GSG1L: variants seen among roughly 807,000 people sequenced by gnomAD.
GSG1L encodes germ cell-specific gene 1-like protein.
Under a neutral mutation model 42.1 loss-of-function variants are expected in GSG1L, and 24 were observed. That is an observed-to-expected ratio of 0.57 (90% CI 0.41 to 0.80). GSG1L has a LOEUF of 0.80. GSG1L is among the 30% of genes least tolerant of loss of function. The probability of loss-of-function intolerance (pLI) is 0.00; values close to 1 mark genes in which losing one functional copy is unlikely to be tolerated. For missense variants in GSG1L, 445 were observed against 472.2 expected, an observed-to-expected ratio of 0.94 and a Z score of 0.53; for synonymous variants, 215 against 203.5, an observed-to-expected ratio of 1.06 and a Z score of -0.48.
At chr16:27,902,701 C>T (rs2084274904) in intron 2 of GSG1L, among the ~76,000 whole-genome samples, 1 of 152,168 alleles carries the variant, frequency 6.6e-6, no homozygotes, top group African/African-American at 2.4e-5. Context: ...TCACATCCCA[C>T]CTCCTCCGCT....
intron 6 of GSG1L, among the ~76,000 whole-genome samples, chr16:27,792,371 T>A (rs1398451421): frequency 6.6e-6 from 1 of 152,188 alleles, no homozygotes; most frequent in Non-Finnish European, 1.5e-5. Flanking sequence ...CCACACTTAG[T>A]GGACTGGACA....
At chr16:27,914,864 G>T (rs1378457788) in intron 2 of GSG1L, among the ~76,000 whole-genome samples, 6 of 152,078 alleles carry the variant, frequency 3.9e-5, no homozygotes, top group African/African-American at 1.5e-4. Flanking sequence ...CTTGCAGATT[G>T]CCCCTGGCTA....
chr16:27,839,185 A>G (rs149156364), intron 4 of GSG1L, among the ~76,000 whole-genome samples: 82 of 152,316 alleles, frequency 5.4e-4, no homozygotes, highest in African/African-American at 1.9e-3. Context: ...AGTGAGGCCT[A>G]TATTCCACAG....
chr16:28,002,830 G>C (rs1161360596), intron 1 of GSG1L, among the ~76,000 whole-genome samples: 3 of 151,980 alleles, frequency 2.0e-5, no homozygotes, highest in East Asian at 1.9e-4. Flanking sequence ...CCAGCTACTC[G>C]GGAGGCTGAG....
At chr16:28,058,683 A>G (rs2086306644) in intron 1 of GSG1L, among the ~76,000 whole-genome samples, 4 of 151,984 alleles carry the variant, frequency 2.6e-5, no homozygotes, top group Non-Finnish European at 5.9e-5. Context: ...CCATCATGCA[A>G]ATCTTTGCCC....
chr16:27,803,778 T>TAG (rs1445015013), intron 6 of GSG1L, among the ~76,000 whole-genome samples: 8 of 80,876 alleles, frequency 9.9e-5, no homozygotes, highest in African/African-American at 3.4e-4. Context: ...TATATATATA[T>TAG]ATATATATAT....
At chr16:28,028,021 T>C (rs145604450) in intron 1 of GSG1L, among the ~76,000 whole-genome samples, 37 of 152,246 alleles carry the variant, frequency 2.4e-4, no homozygotes, top group African/African-American at 8.7e-4. Context: ...CAGCATCACC[T>C]CTATTTATTT....
chr16:27,988,886 C>G (rs1460448934), intron 1 of GSG1L, among the ~76,000 whole-genome samples: 2 of 151,480 alleles, frequency 1.3e-5, no homozygotes, highest in Non-Finnish European at 2.9e-5. Context: ...AACCCCGTCT[C>G]TACTAAAAAT....
At chr16:28,013,303 T>G (rs2085745198) in intron 1 of GSG1L, among the ~76,000 whole-genome samples, 1 of 151,346 alleles carries the variant, frequency 6.6e-6, no homozygotes, top group African/African-American at 2.4e-5. Flanking sequence ...AGAGGTAACA[T>G]TTATGGAGAG....
At chr16:28,002,915 G>T (rs1326148252) in intron 1 of GSG1L, among the ~76,000 whole-genome samples, 1 of 152,098 alleles carries the variant, frequency 6.6e-6, no homozygotes, top group African/African-American at 2.4e-5. Flanking sequence ...CAGCCTGGGT[G>T]ACAGAGCGAG....
chr16:28,027,932 G>A (rs1258910567), intron 1 of GSG1L, among the ~76,000 whole-genome samples: 1 of 152,188 alleles, frequency 6.6e-6, no homozygotes, highest in Non-Finnish European at 1.5e-5. Flanking sequence ...TGAGTCTGGA[G>A]GTCAAGGCTG....
chr16:27,787,836 G>A lies in GSG1L; in HGVS notation c.*3534C>T, dbSNP rs2082710001. ...GGTGGCCAGGGCTAGATCCCTGTCA[G>A]ATCTGTCCCTGCCCAGGCCCATATA... is the stretch of plus-strand genomic sequence containing the variant. On this transcript the variant is annotated 3_prime_UTR_variant, in exon 7 of 7. Transcript: ENST00000447459. The A allele has an allele frequency of 6.6e-6, 1 of 152,216 alleles. No homozygotes were observed. The highest frequency in any genetic ancestry group is 6.5e-5 in the Admixed American group (1 of 15,280). 9.4% of individuals were successfully genotyped at this position (152,216 alleles called of 1,614,324 possible). A position where few individuals can be genotyped will look rare whatever the true frequency, so the allele number is the denominator to read the frequency against.
chr16:27,911,015 A>AAAC lies in GSG1L; in HGVS notation c.398-26380_398-26378dup, dbSNP rs530692990. Reference sequence around the variant, plus strand: ...GTGACAGAGCAAGAACCTGTCTAAAAAACAACAACAACAACAACAAAAATA... The same window carrying AAAC: ...GTGACAGAGCAAGAACCTGTCTAAAAAACAACAACAACAACAACAACAAAAATA... On this transcript the variant is annotated intron_variant, in intron 2 of 6. Transcript: ENST00000447459. 6.4e-3 allele frequency among the ~76,000 whole-genome samples: 980 copies of AAAC among 152,078 alleles called. 3 individuals carry two copies. Among genetic ancestry groups the AAAC allele is most frequent in the Middle Eastern group, 0.017 (5 of 294 alleles).
At chr16:27,962,818 G>A (rs1186647574) in intron 2 of GSG1L, among the ~76,000 whole-genome samples, 1 of 152,112 alleles carries the variant, frequency 6.6e-6, no homozygotes, top group Non-Finnish European at 1.5e-5. Context: ...CCTACAGCTG[G>A]AGGCAAACCC....
intron 1 of GSG1L, among the ~76,000 whole-genome samples, chr16:28,022,322 C>T (rs1034344620): frequency 6.6e-6 from 1 of 151,990 alleles, no homozygotes; most frequent in African/African-American, 2.4e-5. Context: ...CACTTTTCTG[C>T]ATACATGTTT....
At chr16:27,934,655 A>C (rs903507134) in intron 2 of GSG1L, among the ~76,000 whole-genome samples, 1 of 152,228 alleles carries the variant, frequency 6.6e-6, no homozygotes, top group Non-Finnish European at 1.5e-5. Flanking sequence ...GCATGGCACC[A>C]TGGGAGAGCT....
chr16:27,799,331 C>T (rs1236941918), intron 6 of GSG1L, among the ~76,000 whole-genome samples: 2 of 151,692 alleles, frequency 1.3e-5, no homozygotes, highest in African/African-American at 2.4e-5. Flanking sequence ...GCCAGGAGTT[C>T]GAGACCAGCC....
intron 2 of GSG1L, among the ~76,000 whole-genome samples, chr16:27,894,631 G>C (rs1333589282): frequency 6.6e-6 from 1 of 152,198 alleles, no homozygotes; most frequent in Non-Finnish European, 1.5e-5. Flanking sequence ...CTCTGTGGCA[G>C]CTGCTGTTTG....
At chr16:27,887,054 C>T (rs1451157695) in intron 2 of GSG1L, among the ~76,000 whole-genome samples, 2 of 152,100 alleles carry the variant, frequency 1.3e-5, no homozygotes, top group Non-Finnish European at 2.9e-5. Context: ...CTCCTGGATT[C>T]AAGCAATCCT....
Sources: gnomAD v4.1 joint callset for allele counts (sites outside exome capture counted in the v4.1 genomes callset) on GRCh38, gnomAD v4.1.1 for gene constraint, MANE v1.5 for transcripts, NCBI Gene and HGNC (gene_info 2026-07-23, HGNC 2026-07-21) for gene names.